Variants in SLC24A2 observed in about 807,000 individuals in gnomAD.
The protein encoded by SLC24A2 is solute carrier family 24 member 2.
In SLC24A2, 36 loss-of-function variants were observed where a neutral mutation model predicts 62.0. The observed-to-expected ratio is 0.58, with a 90% CI of 0.44 to 0.77. The LOEUF is 0.77. Ranked by LOEUF, SLC24A2 falls within the 30% of genes least tolerant of loss-of-function variation. The pLI is 0.00. For missense variants in SLC24A2, 846 were observed against 817.9 expected (o/e 1.03, Z -0.42); for synonymous variants, 358 against 294.0 (o/e 1.22, Z -2.23).
chr9:20,204,992 C>G, the SLC24A2 span, among the ~76,000 whole-genome samples: 3 of 152,026 alleles, frequency 2.0e-5, no homozygotes, highest in Admixed American at 6.5e-5. Context: ...TGATCCACCT[C>G]CCTCGTCCTC....
chr9:20,179,172 G>A, the SLC24A2 span, among the ~76,000 whole-genome samples: 1 of 152,116 alleles, frequency 6.6e-6, no homozygotes, highest in Non-Finnish European at 1.5e-5. Flanking sequence ...GAAATCATGA[G>A]TAAGTGGAAG....
At chr9:20,283,820 G>C in the SLC24A2 span, among the ~76,000 whole-genome samples, 72,097 of 150,892 alleles carry the variant, frequency 0.48, 17,861 homozygotes, top group African/African-American at 0.62. Flanking sequence ...AAAGGTGTAG[G>C]ATTCCCGCAT....
At chr9:19,993,548 G>T in the SLC24A2 span, among the ~76,000 whole-genome samples, 1 of 152,112 alleles carries the variant, frequency 6.6e-6, no homozygotes, top group Non-Finnish European at 1.5e-5. Context: ...TTAAATATGT[G>T]CAGTCATTCA....
At chr9:20,248,334 C>A in the SLC24A2 span, among the ~76,000 whole-genome samples, 1 of 152,214 alleles carries the variant, frequency 6.6e-6, no homozygotes, top group Non-Finnish European at 1.5e-5. Context: ...TAGAGCACAT[C>A]TTATTTGGTT....
rs375656388 is a variant in SLC24A2, at chr9:19,573,454, G to A, written c.1244C>T (p.Pro415Leu). 6.3e-7 allele frequency: 1 copy of A among 1,597,138 alleles called. No homozygotes were observed. The part of the protein sequence containing the change: ...AANHVEKIEL[P>L]NSTSTDVEMT... ...TTCAACATCTGTGCTGGTGCTGTTT[G>A]GAAGCTCAATTTTTTCTGTGATATA... Residue 415 changes from proline (P) to leucine (L), a missense_variant, in exon 7 of 11, where the codon CCA (proline) becomes CTA (leucine). Physicochemically the swap from Pro to Leu is moderately conservative, Grantham distance 98. Coordinates refer to ENST00000341998, the MANE Select transcript of SLC24A2 (RefSeq NM_020344.4).
the SLC24A2 span, among the ~76,000 whole-genome samples, chr9:20,110,009 A>G: frequency 6.6e-6 from 1 of 152,044 alleles, no homozygotes; most frequent in African/African-American, 2.4e-5. Context: ...TTTTTCTTAC[A>G]TATATACAGG....
chr9:19,883,191 C>T, the SLC24A2 span, among the ~76,000 whole-genome samples: 2 of 152,160 alleles, frequency 1.3e-5, no homozygotes, highest in Non-Finnish European at 2.9e-5. Context: ...CATGTTTGCA[C>T]CAGGCAAATG....
At chr9:19,771,755 C>T (rs1474638036) in intron 2 of SLC24A2, among the ~76,000 whole-genome samples, 1 of 152,184 alleles carries the variant, frequency 6.6e-6, no homozygotes, top group African/African-American at 2.4e-5. Flanking sequence ...GCACATTAAT[C>T]AGCTTTGTGC....
At chr9:19,695,287 CCA>C (rs1320069398) in intron 2 of SLC24A2, among the ~76,000 whole-genome samples, 2 of 151,980 alleles carry the variant, frequency 1.3e-5, no homozygotes, top group African/African-American at 4.8e-5. Context: ...AGAGTGAAGC[CCA>C]CAGTTCACAC....
the SLC24A2 span, among the ~76,000 whole-genome samples, chr9:20,214,571 T>A: frequency 6.6e-6 from 1 of 151,800 alleles, no homozygotes; most frequent in Non-Finnish European, 1.5e-5. Context: ...GCCGAGATCA[T>A]GCCACTGCAC....
At chr9:20,235,677 C>T in the SLC24A2 span, among the ~76,000 whole-genome samples, 33 of 151,890 alleles carry the variant, frequency 2.2e-4, no homozygotes, top group Admixed American at 2.0e-3. Context: ...CCTTGTGCTT[C>T]CCGGGTGAGG....
At chr9:20,218,851 G>A in the SLC24A2 span, among the ~76,000 whole-genome samples, 13 of 152,200 alleles carry the variant, frequency 8.5e-5, no homozygotes, top group South Asian at 4.1e-4. Context: ...CTCCACTACC[G>A]AGTCTCATCA....
In SLC24A2 at chr9:19,618,826, T is replaced by G. The variant is rs902862055; in HGVS notation, c.1078+758A>C. ...ACATACTTGGTTATATTTGAACCCCTTACTAGTGACAAAACTAATATTTAT... is the reference window on the plus strand; with the variant it reads ...ACATACTTGGTTATATTTGAACCCCGTACTAGTGACAAAACTAATATTTAT... On this transcript the variant is annotated intron_variant, in intron 4 of 10. Transcript: ENST00000341998. Among the ~76,000 whole-genome samples the G allele has an allele frequency of 3.9e-5, 6 of 152,318 alleles. No individual in the cohort carries two copies. In the Middle Eastern group the frequency reaches 0.01, roughly 259 times the overall value.
At chr9:20,082,004 C>A in the SLC24A2 span, among the ~76,000 whole-genome samples, 4 of 152,166 alleles carry the variant, frequency 2.6e-5, no homozygotes, top group African/African-American at 4.8e-5. Flanking sequence ...AGGGGATTCT[C>A]ACTCTAACCT....
chr9:19,570,968 G>T (rs561993484), intron 7 of SLC24A2, among the ~76,000 whole-genome samples: 1 of 152,184 alleles, frequency 6.6e-6, no homozygotes, highest in African/African-American at 2.4e-5. Context: ...TCCCCTTTGT[G>T]GAGACCTAGG....
At chr9:19,967,190 C>G in the SLC24A2 span, 2 of 152,088 alleles carry the variant, frequency 1.3e-5, no homozygotes, top group African/African-American at 4.8e-5. Context: ...TGTTATTAAA[C>G]CATTTTTTAA....
At chr9:20,186,141 A>C in the SLC24A2 span, among the ~76,000 whole-genome samples, 1 of 151,952 alleles carries the variant, frequency 6.6e-6, no homozygotes, top group Non-Finnish European at 1.5e-5. Flanking sequence ...GTGAGCACAT[A>C]GCGTAATAGG....
intron 2 of SLC24A2, among the ~76,000 whole-genome samples, chr9:19,734,645 G>A (rs1587240795): frequency 6.6e-6 from 1 of 152,154 alleles, no homozygotes; most frequent in African/African-American, 2.4e-5. Context: ...TCTCTTTGAA[G>A]AATTGTGAAT....
At chr9:20,106,163 C>A in the SLC24A2 span, among the ~76,000 whole-genome samples, 2 of 152,304 alleles carry the variant, frequency 1.3e-5, no homozygotes, top group South Asian at 4.1e-4. Flanking sequence ...AGTTGAATCT[C>A]TGAATAGACC....
Sources: allele counts gnomAD v4.1 joint callset (sites outside exome capture counted in the v4.1 genomes callset), GRCh38; gene constraint gnomAD v4.1.1; transcripts MANE v1.5; gene names NCBI Gene and HGNC (gene_info 2026-07-23, HGNC 2026-07-21).